Variants in SUPT20H observed in about 807,000 individuals in gnomAD.
The protein encoded by SUPT20H is transcription factor SPT20 homolog.
A neutral mutation model predicts 122.8 loss-of-function variants in SUPT20H; 82 were observed. That is an observed-to-expected ratio of 0.67 (90% confidence interval 0.56 to 0.80). SUPT20H has a LOEUF of 0.80. Ranked by LOEUF, SUPT20H falls within the 30% of genes least tolerant of loss-of-function variation. SUPT20H has a pLI of 0.00. For synonymous variants in SUPT20H, 291 were observed against 313.0 expected, an observed-to-expected ratio of 0.93 and a Z score of 0.74; for missense variants, 831 against 921.6, an observed-to-expected ratio of 0.90 and a Z score of 1.27.
At chr13:37,037,037 AT>A (rs1162899735) in intron 9 of SUPT20H, among the ~76,000 whole-genome samples, 1 of 152,010 alleles carries the variant, frequency 6.6e-6, no homozygotes, top group Non-Finnish European at 1.5e-5. Context: ...TCTACCAAAA[AT>A]AAAAAAAAAT....
chr13:37,059,254 A>C (rs975581200), intron 1 of SUPT20H: 3 of 152,230 alleles, frequency 2.0e-5, no homozygotes, highest in African/African-American at 7.2e-5. Flanking sequence ...GGACACCAAG[A>C]AAACCGCCTT....
chr13:37,026,273 T>G, intron 15 of SUPT20H, 37 bp from the exon 16 acceptor site: 4 of 1,424,304 alleles, frequency 2.8e-6, no homozygotes, highest in Non-Finnish European at 3.7e-6. Context: ...GAGAAAAGTA[T>G]TAGGTAAGAG....
Position 37,044,218 on chromosome 13 carries a change from T to C in SUPT20H, c.293-37A>G, listed in dbSNP as rs369027343. 155 of 1,528,592 alleles carry C rather than the reference T, an allele frequency of 1.0e-4. No homozygotes were observed. The African/African-American group carries it at 1.7e-3, about 16-fold the overall frequency. The allele number at this position is 1,528,592 out of a possible 1,614,324, so 94.7% of individuals were successfully genotyped here. A position where few individuals can be genotyped will look rare whatever the true frequency, so the allele number is the denominator to read the frequency against. ...ACATGAAGTTTGAAAATGATCATGCTCACTGAAAGCTTAGCTGTATAATTC... is the reference window on the plus strand; with the variant it reads ...ACATGAAGTTTGAAAATGATCATGCCCACTGAAAGCTTAGCTGTATAATTC... On this transcript the variant is annotated intron_variant, in intron 6 of 25. Coordinates refer to ENST00000350612, the MANE Select transcript of SUPT20H (RefSeq NM_001014286.3).
intron 21 of SUPT20H, 121 bp downstream of exon 21, chr13:37,021,327 G>A (rs1189795997): frequency 4.8e-6 from 5 of 1,042,844 alleles, no homozygotes; most frequent in Admixed American, 3.6e-5. Context: ...TGAAATATAT[G>A]TGATACAACA....
chr13:37,026,132 T>G, intron 16 of SUPT20H, 72 bp downstream of exon 16: 1 of 1,259,818 alleles, frequency 7.9e-7, no homozygotes, highest in Non-Finnish European at 1.1e-6. Context: ...ACTCCTAGTA[T>G]TCTCTATCCT....
Position 37,045,390 on chromosome 13 carries a change from C to A in SUPT20H, c.166-17G>T. 6.2e-7 allele frequency: 1 copy of A among 1,611,974 alleles called. No individual in the cohort carries two copies. The highest frequency in any genetic ancestry group is 1.7e-4 in the Middle Eastern group (1 of 6,048). ...TCTTAATTTCTGCTTTAAAAAGAGGCAGAGCTCATGAAAATAATCCAGTAT... is the reference window on the plus strand; with the variant it reads ...TCTTAATTTCTGCTTTAAAAAGAGGAAGAGCTCATGAAAATAATCCAGTAT... On this transcript the variant is annotated splice_polypyrimidine_tract_variant and intron_variant, in intron 5 of 25. Transcript: ENST00000350612.
chr13:37,047,993 T>C (rs1054296883), intron 3 of SUPT20H, 57 bp from the exon 4 acceptor site: 5 of 1,346,752 alleles, frequency 3.7e-6, no homozygotes, highest in Non-Finnish European at 5.2e-6. Context: ...TATGAACAAC[T>C]GTATTGAGTA....
In SUPT20H at chr13:37,031,622, C is replaced by CACTGAAAAATTAAAAACAATAT. The variant is rs752582312; in HGVS notation, c.865-21_865dup (p.Cys289TyrfsTer18). 1 of 1,566,192 alleles carries CACTGAAAAATTAAAAACAATAT rather than the reference C, an allele frequency of 6.4e-7. No homozygotes were observed. The highest frequency in any genetic ancestry group is 1.4e-5 in the African/African-American group (1 of 72,492). ...GGGACTCCGTTTCCACATATCTACA[C>CACTGAAAAATTAAAAACAATAT]ACTGAAAAATTAAAAACAATATACT... On this transcript the variant is annotated frameshift_variant and splice_region_variant, in exon 12 of 26. Coordinates refer to ENST00000350612, the MANE Select transcript of SUPT20H (RefSeq NM_001014286.3). LOFTEE classifies it high-confidence loss of function.
At chr13:37,047,514 A>T (rs1450145077) in intron 5 of SUPT20H, 21 bp downstream of exon 5, 12 of 1,426,382 alleles carry the variant, frequency 8.4e-6, no homozygotes, top group Admixed American at 3.0e-5. Context: ...AAGCTACAAC[A>T]TAATAAAAAT....
chr13:37,027,219 A>G (rs546714793), intron 14 of SUPT20H, among the ~76,000 whole-genome samples: 11 of 152,206 alleles, frequency 7.2e-5, no homozygotes, highest in African/African-American at 1.9e-4. Context: ...AAACCTGCAC[A>G]CATACCCCTA....
chr13:37,042,358 A>G (rs2065630475), intron 7 of SUPT20H, among the ~76,000 whole-genome samples: 1 of 152,204 alleles, frequency 6.6e-6, no homozygotes. Flanking sequence ...ATGGTGAGGC[A>G]TATAAGCAAT....
chr13:37,012,409 T>C, intron 23 of SUPT20H, 112 bp from the exon 24 acceptor site: 1 of 683,582 alleles, frequency 1.5e-6, no homozygotes, highest in South Asian at 2.1e-5. Context: ...AGACTAGTCT[T>C]GTAAAAAGAA....
intron 6 of SUPT20H, among the ~76,000 whole-genome samples, chr13:37,044,923 G>A (rs1337820661): frequency 1.3e-5 from 2 of 151,830 alleles, no homozygotes; most frequent in Admixed American, 1.3e-4. Flanking sequence ...TTAATCATCT[G>A]TAAGTTATGC....
intron 7 of SUPT20H, among the ~76,000 whole-genome samples, chr13:37,042,850 T>A (rs1388385722): frequency 6.6e-6 from 1 of 152,172 alleles, no homozygotes; most frequent in East Asian, 1.9e-4. Context: ...AGGATTTTTT[T>A]AAAATTTGAG....
At chr13:37,058,834 T>C (rs2069871323) in intron 1 of SUPT20H, among the ~76,000 whole-genome samples, 1 of 152,240 alleles carries the variant, frequency 6.6e-6, no homozygotes, top group African/African-American at 2.4e-5. Flanking sequence ...GACCCAATTC[T>C]GCTCAGAGAC....
intron 25 of SUPT20H, among the ~76,000 whole-genome samples, chr13:37,010,214 T>C (rs1003391276): frequency 1.8e-4 from 28 of 152,310 alleles, no homozygotes; most frequent in African/African-American, 6.3e-4. Context: ...AGGTATGACA[T>C]TTACTAATAG....
At chr13:37,047,843 A>G (rs370036188) in intron 4 of SUPT20H, 35 bp downstream of exon 4, 1 of 1,550,074 alleles carries the variant, frequency 6.5e-7, no homozygotes, top group African/African-American at 1.4e-5. Flanking sequence ...TCATATTTCA[A>G]TGAATCTAAG....
At chr13:37,034,007 A>C (rs551238206) in intron 9 of SUPT20H, among the ~76,000 whole-genome samples, 1 of 152,330 alleles carries the variant, frequency 6.6e-6, no homozygotes, top group Non-Finnish European at 1.5e-5. Context: ...AATGTGTACT[A>C]AATCAAGAAA....
At chr13:37,012,122 A>T in intron 24 of SUPT20H, 70 bp downstream of exon 24, 2 of 1,212,004 alleles carry the variant, frequency 1.7e-6, no homozygotes, top group Non-Finnish European at 2.4e-6. Flanking sequence ...AAAATAATTT[A>T]AGCGGTGAGA....
Sources: gnomAD v4.1 joint callset for allele counts (sites outside exome capture counted in the v4.1 genomes callset) on GRCh38, gnomAD v4.1.1 for gene constraint, MANE v1.5 for transcripts, NCBI Gene and HGNC (gene_info 2026-07-23, HGNC 2026-07-21) for gene names.